The following SLC1A3 variants were observed in gnomAD, a reference collection of about 807,000 sequenced individuals.
SLC1A3 encodes the protein solute carrier family 1 member 3.
A neutral mutation model predicts 48.1 loss-of-function variants in SLC1A3; 21 were observed. That is an observed-to-expected ratio of 0.44 (90% CI 0.31 to 0.63). SLC1A3 has a LOEUF of 0.63. Ranked by LOEUF, SLC1A3 falls within the 20% of genes least tolerant of loss-of-function variation. The probability of loss-of-function intolerance (pLI) is 0.08; values close to 1 mark genes in which losing one functional copy is unlikely to be tolerated. For synonymous variants in SLC1A3, 239 were observed against 251.4 expected (o/e 0.95, Z 0.47); for missense variants, 546 against 689.0 (o/e 0.79, Z 2.32).
chr5:36,627,318 CT>C (rs1429517952), intron 2 of SLC1A3, among the ~76,000 whole-genome samples: 1 of 152,006 alleles, frequency 6.6e-6, no homozygotes, highest in Non-Finnish European at 1.5e-5. Context: ...TCAAATTTTG[CT>C]TGTTTTAACA....
intron 3 of SLC1A3, among the ~76,000 whole-genome samples, chr5:36,631,653 C>T (rs532467766): frequency 1.3e-5 from 2 of 152,280 alleles, no homozygotes; most frequent in South Asian, 2.1e-4. Flanking sequence ...TGTGCTAAGG[C>T]AAGGAGTCTG....
At chr5:36,629,422 TTTTTC>T in intron 2 of SLC1A3, 23 bp from the exon 3 acceptor site, 1 of 1,597,852 alleles carries the variant, frequency 6.3e-7, no homozygotes, top group Non-Finnish European at 8.5e-7. Flanking sequence ...TCAATTTTTC[TTTTTC>T]TTTTTTTTTT....
chr5:36,619,200 G>A (rs1296623204), intron 2 of SLC1A3, among the ~76,000 whole-genome samples: 1 of 152,240 alleles, frequency 6.6e-6, no homozygotes, highest in Non-Finnish European at 1.5e-5. Flanking sequence ...AAACAGAGGA[G>A]TGGGGGAGGG....
intron 3 of SLC1A3, among the ~76,000 whole-genome samples, chr5:36,652,284 T>C (rs895304382): frequency 2.6e-5 from 4 of 151,798 alleles, no homozygotes; most frequent in Non-Finnish European, 4.4e-5. Context: ...AAGATTTATT[T>C]TGGCACTCCC....
intron 1 of SLC1A3, among the ~76,000 whole-genome samples, chr5:36,598,411 GT>G (rs1294623058): frequency 6.6e-6 from 1 of 152,064 alleles, no homozygotes; most frequent in Non-Finnish European, 1.5e-5. Flanking sequence ...ATAAACTTCT[GT>G]GCAGAAACCA....
intron 2 of SLC1A3, among the ~76,000 whole-genome samples, chr5:36,624,824 G>T (rs1739838385): frequency 6.6e-6 from 1 of 152,126 alleles, no homozygotes; most frequent in Non-Finnish European, 1.5e-5. Flanking sequence ...AGCCATTTTT[G>T]AAAGTGGCTA....
chr5:36,631,968 G>T (rs1405760216), intron 3 of SLC1A3, among the ~76,000 whole-genome samples: 1 of 152,230 alleles, frequency 6.6e-6, no homozygotes, highest in Non-Finnish European at 1.5e-5. Context: ...CATTGCTTTA[G>T]AGTGGAAAGG....
chr5:36,658,156 G>T (rs1741357955), intron 3 of SLC1A3, among the ~76,000 whole-genome samples: 1 of 152,162 alleles, frequency 6.6e-6, no homozygotes, highest in Non-Finnish European at 1.5e-5. Context: ...ACGAAACCAA[G>T]AAGCACAAAG....
intron 9 of SLC1A3, among the ~76,000 whole-genome samples, chr5:36,684,448 T>C (rs3776586): frequency 0.2 from 30,736 of 152,168 alleles, 3,579 homozygotes; most frequent in Admixed American, 0.31. Context: ...GGCTGAGCTA[T>C]GCCGACACTG....
intron 2 of SLC1A3, among the ~76,000 whole-genome samples, chr5:36,619,537 G>A (rs1300537409): frequency 6.6e-6 from 1 of 152,134 alleles, no homozygotes; most frequent in Non-Finnish European, 1.5e-5. Flanking sequence ...CTACTCAGAA[G>A]GCTGAGGCGG....
chr5:36,664,624 C>T (rs1309650388), intron 3 of SLC1A3, among the ~76,000 whole-genome samples: 1 of 152,058 alleles, frequency 6.6e-6, no homozygotes, highest in Non-Finnish European at 1.5e-5. Flanking sequence ...CCACATGTGA[C>T]ACACTGTGAT....
At chr5:36,608,691 G>C (rs756817483) in intron 2 of SLC1A3, 87 bp downstream of exon 2, 2 of 1,565,996 alleles carry the variant, frequency 1.3e-6, no homozygotes, top group African/African-American at 2.7e-5. Context: ...AGATGAACTA[G>C]TTGTAGGTAT....
chr5:36,617,667 GCC>G (rs1335861541), intron 2 of SLC1A3, among the ~76,000 whole-genome samples: 3 of 151,714 alleles, frequency 2.0e-5, no homozygotes, highest in African/African-American at 7.3e-5. Context: ...AGTATACATA[GCC>G]CACTTTTCAC....
chr5:36,648,980 ATGTT>A (rs1178051580), intron 3 of SLC1A3, among the ~76,000 whole-genome samples: 1 of 152,232 alleles, frequency 6.6e-6, no homozygotes, highest in Non-Finnish European at 1.5e-5. Flanking sequence ...GTCCTTATGT[ATGTT>A]TAATTGTAAA....
chr5:36,628,592 GTAAAT>G (rs538542883), intron 2 of SLC1A3, among the ~76,000 whole-genome samples: 10 of 152,226 alleles, frequency 6.6e-5, no homozygotes, highest in Non-Finnish European at 1.3e-4. Context: ...GGCAAGGAAA[GTAAAT>G]TAGGTAAAGG....
chr5:36,629,617 T>G (rs759530898), intron 3 of SLC1A3, 30 bp downstream of exon 3: 9 of 1,596,164 alleles, frequency 5.6e-6, no homozygotes, highest in Admixed American at 1.7e-5. Context: ...GTTTGTTTGG[T>G]TTTTTTTAAG....
intron 3 of SLC1A3, among the ~76,000 whole-genome samples, chr5:36,656,276 T>C (rs1741281237): frequency 1.3e-5 from 2 of 152,194 alleles, no homozygotes; most frequent in Non-Finnish European, 2.9e-5. Context: ...GGTTGCATAA[T>C]GTCTCAGGGT....
chr5:36,645,510 T>A (rs1280614364), intron 3 of SLC1A3, among the ~76,000 whole-genome samples: 1 of 151,718 alleles, frequency 6.6e-6, no homozygotes, highest in Non-Finnish European at 1.5e-5. Flanking sequence ...ATTTTTAGTA[T>A]AGACAGGTTT....
intron 3 of SLC1A3, among the ~76,000 whole-genome samples, chr5:36,644,336 T>C (rs1316838348): frequency 6.6e-6 from 1 of 152,206 alleles, no homozygotes; most frequent in Admixed American, 6.5e-5. Flanking sequence ...TTTCAAAAAT[T>C]GTAAAATTCA....
Sources: gnomAD v4.1 joint callset for allele counts (sites outside exome capture counted in the v4.1 genomes callset) on GRCh38, gnomAD v4.1.1 for gene constraint, MANE v1.5 for transcripts, NCBI Gene and HGNC (gene_info 2026-07-23, HGNC 2026-07-21) for gene names.